Variants in NTRK3 observed in about 807,000 individuals in gnomAD.
The protein encoded by NTRK3 is NT-3 growth factor receptor.
A neutral mutation model predicts 91.7 loss-of-function variants in NTRK3; 24 were observed. The ratio of observed to expected loss-of-function variants is 0.26; its 90% CI spans 0.19 to 0.37. The LOEUF (loss-of-function observed/expected upper bound fraction) is 0.37, where lower values mean the gene tolerates loss of function less well. Among genes scored for constraint, NTRK3 ranks in the 10% least tolerant of loss-of-function variants. The pLI is 1.00. For synonymous variants in NTRK3, 483 were observed against 404.0 expected (o/e 1.20, Z -2.34); for missense variants, 880 against 1,068.9 (o/e 0.82, Z 2.46).
intron 14 of NTRK3, among the ~76,000 whole-genome samples, chr15:88,024,850 A>C (rs1021293120): frequency 2.6e-5 from 4 of 152,250 alleles, no homozygotes; most frequent in Non-Finnish European, 4.4e-5. Context: ...CTGTGAAGGC[A>C]TGGACACATT....
chr15:88,177,071 G>A (rs1278459276), intron 5 of NTRK3, among the ~76,000 whole-genome samples: 2 of 152,150 alleles, frequency 1.3e-5, no homozygotes, highest in Admixed American at 1.3e-4. Context: ...TCCAATGTGG[G>A]AATGAGCTTG....
At chr15:87,905,284 A>G (rs1366270961) in intron 17 of NTRK3, among the ~76,000 whole-genome samples, 2 of 152,208 alleles carry the variant, frequency 1.3e-5, no homozygotes, top group Non-Finnish European at 2.9e-5. Context: ...TCACAGGTAG[A>G]AAATCTTCTA....
chr15:88,108,458 T>A (rs566526036), intron 13 of NTRK3, among the ~76,000 whole-genome samples: 2 of 152,196 alleles, frequency 1.3e-5, no homozygotes, highest in Non-Finnish European at 2.9e-5. Flanking sequence ...TGGGTGCTCC[T>A]GACAACTCCC....
intron 5 of NTRK3, among the ~76,000 whole-genome samples, chr15:88,153,191 T>A (rs2043551893): frequency 6.6e-6 from 1 of 152,228 alleles, no homozygotes; most frequent in South Asian, 2.1e-4. Flanking sequence ...CAATTCCCTC[T>A]TTCTTAAGAT....
chr15:87,901,644 T>C (rs1365802061), intron 17 of NTRK3, among the ~76,000 whole-genome samples: 2 of 152,180 alleles, frequency 1.3e-5, no homozygotes, highest in East Asian at 3.8e-4. Flanking sequence ...CTAGGATATA[T>C]GCTAAATGAA....
rs147245790 is a variant in NTRK3 at position 88,146,749 on chromosome 15, C to G, written c.464+586G>C. ...TGGCCTCCCCAAACCCCTTGACATG[C>G]CAGTACTCAAGTCAAATAAGCTGAA... On this transcript the variant is annotated intron_variant, in intron 6 of 18. Coordinates refer to ENST00000394480, the Ensembl canonical transcript of NTRK3. 4.1e-3 allele frequency among the ~76,000 whole-genome samples: 620 copies of G among 152,202 alleles called. 5 individuals carry two copies. Among genetic ancestry groups the G allele is most frequent in the African/African-American group, 0.014 (593 of 41,518 alleles).
intron 3 of NTRK3, among the ~76,000 whole-genome samples, chr15:88,208,395 G>C (rs2048967838): frequency 6.6e-6 from 1 of 152,140 alleles, no homozygotes; most frequent in Non-Finnish European, 1.5e-5. Context: ...AAGGAAATAA[G>C]ATTCACAGTG....
chr15:87,886,513 G>A (rs988474470), intron 17 of NTRK3, among the ~76,000 whole-genome samples: 3 of 150,454 alleles, frequency 2.0e-5, no homozygotes, highest in Admixed American at 2.0e-4. Flanking sequence ...ATATATTGTA[G>A]TATTCTTATT....
chr15:87,911,757 G>A (rs183594883), intron 17 of NTRK3, among the ~76,000 whole-genome samples: 7 of 152,234 alleles, frequency 4.6e-5, no homozygotes, highest in Admixed American at 3.9e-4. Context: ...TCAGTCATTC[G>A]CTGAGAAGAA....
intron 3 of NTRK3, among the ~76,000 whole-genome samples, chr15:88,247,737 G>GC (rs1024539504): frequency 6.6e-6 from 1 of 152,126 alleles, no homozygotes; most frequent in African/African-American, 2.4e-5. Flanking sequence ...ACCAAACCCT[G>GC]CCCCACAGTT....
Position 88,243,832 on chromosome 15 carries a change from T to C in NTRK3, c.248+12074A>G, listed in dbSNP as rs1234085760. Among the ~76,000 whole-genome samples the C allele has an allele frequency of 2.6e-5, 4 of 152,164 alleles. No homozygotes were observed. On this transcript the variant is annotated intron_variant, in intron 3 of 18. Coordinates refer to ENST00000394480, the Ensembl canonical transcript of NTRK3. The surrounding 1 kb of genome is among the most constrained non-coding windows in gnomAD (Gnocchi z 4.8). ...CACAATCAACTTAGTCAGTTGCCCA[T>C]GTGGTTTCTCCAGTTGTGACTTCGT...
chr15:88,180,449 C>T (rs1218720612), intron 5 of NTRK3, among the ~76,000 whole-genome samples: 1 of 152,144 alleles, frequency 6.6e-6, no homozygotes, highest in Non-Finnish European at 1.5e-5. Flanking sequence ...GCCCAAGAGT[C>T]CTAATCTCCA....
chr15:87,959,140 G>A (rs2071989086), intron 14 of NTRK3, among the ~76,000 whole-genome samples: 1 of 152,162 alleles, frequency 6.6e-6, no homozygotes. Flanking sequence ...GTGGAAAGGA[G>A]TCACTTCTAG....
At chr15:88,197,673 G>T (rs1194458477) in intron 3 of NTRK3, among the ~76,000 whole-genome samples, 1 of 152,192 alleles carries the variant, frequency 6.6e-6, no homozygotes, top group East Asian at 1.9e-4. Context: ...AGGAAAGGGG[G>T]TTGCTAATGG....
chr15:88,231,105 A>G (rs1044459024), intron 3 of NTRK3, among the ~76,000 whole-genome samples: 2 of 152,114 alleles, frequency 1.3e-5, no homozygotes, highest in Non-Finnish European at 1.5e-5. Flanking sequence ...ATCTCTCATA[A>G]CCACCATCAA....
intron 14 of NTRK3, among the ~76,000 whole-genome samples, chr15:87,981,878 G>C (rs1207797353): frequency 3.3e-5 from 5 of 152,200 alleles, no homozygotes; most frequent in African/African-American, 1.2e-4. Context: ...GGAGGTGGTG[G>C]TGTTTGGTTC....
chr15:88,014,644 T>C (rs1390999378), intron 14 of NTRK3, among the ~76,000 whole-genome samples: 1 of 152,136 alleles, frequency 6.6e-6, no homozygotes, highest in Non-Finnish European at 1.5e-5. Context: ...CAAGACCAGC[T>C]AGGACTTGAT....
At chr15:88,179,408 T>A (rs1036252897) in intron 5 of NTRK3, among the ~76,000 whole-genome samples, 8 of 152,220 alleles carry the variant, frequency 5.3e-5, no homozygotes, top group African/African-American at 1.7e-4. Context: ...TGGGCCTATC[T>A]TCCGTGCTGT....
chr15:87,946,645 C>T (rs890908923), intron 14 of NTRK3, among the ~76,000 whole-genome samples: 1 of 152,170 alleles, frequency 6.6e-6, no homozygotes, highest in African/African-American at 2.4e-5. Flanking sequence ...CCCCTCTTCC[C>T]TGGCTCATGT....
Sources: allele counts gnomAD v4.1 joint callset (sites outside exome capture counted in the v4.1 genomes callset), GRCh38; gene constraint gnomAD v4.1.1; non-coding constraint Gnocchi (gnomAD v3.1); transcripts MANE v1.5; gene names NCBI Gene and HGNC (gene_info 2026-07-23, HGNC 2026-07-21).